The following SSH2 variants were observed in gnomAD, a reference collection of about 807,000 sequenced individuals.
SSH2 encodes the protein slingshot protein phosphatase 2.
Under a neutral mutation model 135.2 loss-of-function variants are expected in SSH2, and 37 were observed. The ratio of observed to expected loss-of-function variants is 0.27; its 90% confidence interval spans 0.21 to 0.36. The LOEUF (loss-of-function observed/expected upper bound fraction) is 0.36, where lower values mean the gene tolerates loss of function less well. Ranked by LOEUF, SSH2 falls within the 10% of genes least tolerant of loss-of-function variation. The probability of loss-of-function intolerance (pLI) is 1.00; values close to 1 mark genes in which losing one functional copy is unlikely to be tolerated. For synonymous variants in SSH2, 628 were observed against 646.2 expected (o/e 0.97, Z 0.43); for missense variants, 1,408 against 1,765.3 (o/e 0.80, Z 3.63).
chr17:29,701,701 G>C (rs2038990061), intron 4 of SSH2, among the ~76,000 whole-genome samples: 1 of 151,942 alleles, frequency 6.6e-6, no homozygotes, highest in Non-Finnish European at 1.5e-5. Context: ...CTCCAGAGCA[G>C]CTGAGATTAC....
intron 9 of SSH2, 139 bp downstream of exon 9, chr17:29,671,796 G>T: frequency 2.8e-6 from 2 of 702,994 alleles, no homozygotes; most frequent in Non-Finnish European, 2.3e-6. Flanking sequence ...ATATGTGGCA[G>T]ACACGTGCTA....
intron 3 of SSH2, 54 bp from the exon 4 acceptor site, chr17:29,703,116 G>C: frequency 7.8e-7 from 1 of 1,286,084 alleles, no homozygotes. Context: ...AAATCAAAGA[G>C]TAGGATGGAT....
Position 29,648,166 on chromosome 17 carries a change from A to G in SSH2, c.1405T>C (p.Tyr469His), listed in dbSNP as rs2036452653. The change falls in exon 14 of 16, where the codon TAT becomes CAT. Residue 469 changes from tyrosine to histidine, a missense_variant. By Grantham distance (83) the Tyr-to-His change is moderately conservative (BLOSUM62 2). Coordinates refer to ENST00000540801, the MANE Select transcript of SSH2 (RefSeq NM_001282129.2). Reference sequence around the variant, plus strand: ...CACCTTGCCAGCAAGATCCCCTGATACTCTTCCAGTTGTCTCATGAAGCTT... The same window carrying G: ...CACCTTGCCAGCAAGATCCCCTGATGCTCTTCCAGTTGTCTCATGAAGCTT... ...NPSFMRQLEEYQGILLASKQR... is the reference protein window; with the variant it reads ...NPSFMRQLEEHQGILLASKQR... 1 of 1,613,846 alleles carries G rather than the reference A, an allele frequency of 6.2e-7. No homozygotes were observed. Among genetic ancestry groups the G allele is most frequent in the South Asian group, 1.1e-5 (1 of 91,060 alleles).
chr17:29,648,090 T>G, intron 14 of SSH2, 54 bp downstream of exon 14: 1 of 1,541,304 alleles, frequency 6.5e-7, no homozygotes, highest in Non-Finnish European at 9.0e-7. Flanking sequence ...GGACACTTCA[T>G]CTTGCTTTAG....
At chr17:29,648,403 A>G in intron 13 of SSH2, 59 bp from the exon 14 acceptor site, 1 of 1,430,990 alleles carries the variant, frequency 7.0e-7, no homozygotes. Context: ...GATATTTTAA[A>G]AGTTGGTTTC....
chr17:29,843,841 TTC>T (rs1282764688), intron 2 of SSH2, among the ~76,000 whole-genome samples: 4 of 152,122 alleles, frequency 2.6e-5, no homozygotes, highest in Middle Eastern at 3.4e-3. Context: ...AGGCTAAATC[TTC>T]TCTCTCTCTC....
intron 1 of SSH2, among the ~76,000 whole-genome samples, chr17:29,927,527 C>G (rs566638435): frequency 2.6e-5 from 4 of 152,326 alleles, no homozygotes; most frequent in African/African-American, 9.6e-5. Context: ...AATTTCCAGT[C>G]TCACAAAATT....
chr17:29,629,423 G>T lies in SSH2; in HGVS notation c.*1418C>A, dbSNP rs997119209. ...CTGTGACCTAATGGGAGCCTTTAGG[G>T]GTGTCTCTGAGGAAAAAGTTACTAA... On this transcript the variant is annotated 3_prime_UTR_variant, in exon 16 of 16. Coordinates refer to ENST00000540801, the MANE Select transcript of SSH2 (RefSeq NM_001282129.2). The T allele has an allele frequency of 1.3e-5, 2 of 152,632 alleles. No individual in the cohort carries two copies. The highest frequency in any genetic ancestry group is 2.9e-5 in the Non-Finnish European group (2 of 68,036). 9.5% of individuals were successfully genotyped at this position (152,632 alleles called of 1,614,324 possible). A position where few individuals can be genotyped will look rare whatever the true frequency, so the allele number is the denominator to read the frequency against.
At chr17:29,825,926 C>T (rs1182093195) in intron 2 of SSH2, among the ~76,000 whole-genome samples, 2 of 152,190 alleles carry the variant, frequency 1.3e-5, no homozygotes, top group Non-Finnish European at 2.9e-5. Flanking sequence ...GGAAATACTG[C>T]TGCTTACCTC....
chr17:29,642,437 C>T lies in SSH2; in HGVS notation c.1428-5635G>A, dbSNP rs114886495. Among the ~76,000 whole-genome samples the T allele has an allele frequency of 2.7e-3, 409 of 152,168 alleles. 1 individual carries two copies. The highest frequency in any genetic ancestry group is 9.6e-3 in the African/African-American group (397 of 41,508). On this transcript the variant is annotated intron_variant, in intron 14 of 15. Transcript: ENST00000540801. ...ACACACGGTCCAACTTGCAAATGGT[C>T]TGCTTGAAATCTAAACCTCTCTAAT...
intron 6 of SSH2, among the ~76,000 whole-genome samples, chr17:29,678,689 G>C (rs552683178): frequency 6.8e-6 from 1 of 147,016 alleles, no homozygotes; most frequent in South Asian, 2.2e-4. Context: ...GGTAGCCCTA[G>C]TATGGTATTT....
Position 29,702,526 on chromosome 17 carries a change from G to C in SSH2, c.292+433C>G, listed in dbSNP as rs1169910304. Among the ~76,000 whole-genome samples the C allele has an allele frequency of 3.2e-4, 48 of 149,074 alleles. 1 individual carries two copies. The highest frequency in any genetic ancestry group is 4.5e-5 in the Non-Finnish European group (3 of 67,148). On this transcript the variant is annotated intron_variant, in intron 4 of 15. Coordinates refer to ENST00000540801, the MANE Select transcript of SSH2 (RefSeq NM_001282129.2). The stretch of plus-strand genomic sequence containing the variant: ...AAAAATGAGCTGGGCGTGGTGGCGG[G>C]CGCCTGTAGTCCCAGCTACTCAGGA...
intron 3 of SSH2, among the ~76,000 whole-genome samples, chr17:29,783,318 T>TAA (rs1555633079): frequency 7.0e-6 from 1 of 142,126 alleles, no homozygotes; most frequent in South Asian, 2.2e-4. Flanking sequence ...ATAACATATA[T>TAA]TATATATATA....
chr17:29,735,226 G>A (rs2040325617), intron 3 of SSH2, among the ~76,000 whole-genome samples: 2 of 152,116 alleles, frequency 1.3e-5, no homozygotes, highest in South Asian at 2.1e-4. Flanking sequence ...TTATGGGTAG[G>A]TAAGAATTCA....
chr17:29,923,153 G>A (rs555681826), intron 1 of SSH2, among the ~76,000 whole-genome samples: 3 of 152,224 alleles, frequency 2.0e-5, no homozygotes, highest in African/African-American at 7.2e-5. Context: ...CTTGTGATCC[G>A]CCCACCTTGG....
Position 29,631,661 on chromosome 17 carries a change from T to G in SSH2, c.3533A>C (p.Asp1178Ala), listed in dbSNP as rs1386871830. ...GCTAACCTGTTCTGCAGAGGGCTCA[T>G]CTGTAGTGCTGCTCTGCTCTGTGAA... ...EGFTEQSSTT[D>A]EPSAEQVSWE... The change falls in exon 16 of 16, where the codon GAT (aspartate) becomes GCT (alanine). Residue 1178 changes from aspartate (D) to alanine (A), a missense_variant. By Grantham distance (126) the Asp-to-Ala change is moderately radical (BLOSUM62 -2). Transcript: ENST00000540801. 1.9e-6 allele frequency: 3 copies of G among 1,614,204 alleles called. No homozygotes were observed. The highest frequency in any genetic ancestry group is 2.5e-6 in the Non-Finnish European group (3 of 1,180,040).
intron 1 of SSH2, among the ~76,000 whole-genome samples, chr17:29,852,805 C>T (rs1250385909): frequency 6.6e-6 from 1 of 151,964 alleles, no homozygotes; most frequent in Admixed American, 6.6e-5. Flanking sequence ...CCACCTCGGC[C>T]TCCCAAAGTG....
intron 3 of SSH2, among the ~76,000 whole-genome samples, chr17:29,725,907 A>G (rs576908018): frequency 7.9e-4 from 120 of 152,264 alleles, no homozygotes; most frequent in Non-Finnish European, 8.2e-4. Context: ...CCAGAACTTA[A>G]AAGAAAATTT....
At chr17:29,840,660 A>C (rs548591029) in intron 2 of SSH2, among the ~76,000 whole-genome samples, 2 of 152,074 alleles carry the variant, frequency 1.3e-5, no homozygotes, top group African/African-American at 4.8e-5. Flanking sequence ...TGAAGTATGA[A>C]CTTCATTATG....
Sources: allele counts gnomAD v4.1 joint callset (sites outside exome capture counted in the v4.1 genomes callset), GRCh38; gene constraint gnomAD v4.1.1; transcripts MANE v1.5; gene names NCBI Gene and HGNC (gene_info 2026-07-23, HGNC 2026-07-21).